The following AGMO variants were observed in gnomAD, a reference collection of about 807,000 sequenced individuals.
The protein encoded by AGMO is alkylglycerol monooxygenase.
AGMO carries 75 observed loss-of-function variants against 60.2 expected under a neutral mutation model. The ratio of observed to expected loss-of-function variants is 1.25; its 90% CI spans 1.03 to 1.51. The LOEUF is 1.51. AGMO is among the 40% of genes most tolerant of loss of function. AGMO has a pLI of 0.00. For missense variants in AGMO, 763 were observed against 525.5 expected (o/e 1.45, Z -4.42); for synonymous variants, 261 against 177.1 (o/e 1.47, Z -3.76).
At chr7:15,332,422 A>G (rs547999766) in intron 12 of AGMO, among the ~76,000 whole-genome samples, 1 of 152,298 alleles carries the variant, frequency 6.6e-6, no homozygotes, top group East Asian at 1.9e-4. Flanking sequence ...TGAAGCTAAA[A>G]GACACCATGT....
intron 10 of AGMO, among the ~76,000 whole-genome samples, chr7:15,374,298 A>G (rs1783353909): frequency 6.6e-6 from 1 of 152,160 alleles, no homozygotes; most frequent in African/African-American, 2.4e-5. Flanking sequence ...GAATATAATT[A>G]CAGTAAACAT....
At chr7:15,149,226 G>C in the AGMO span, among the ~76,000 whole-genome samples, 1 of 151,990 alleles carries the variant, frequency 6.6e-6, no homozygotes, top group African/African-American at 2.4e-5. Flanking sequence ...GACCTTTGTT[G>C]AATGCATGGT....
chr7:15,287,596 G>C (rs768798995), intron 12 of AGMO, among the ~76,000 whole-genome samples: 21 of 152,252 alleles, frequency 1.4e-4, no homozygotes, highest in Middle Eastern at 6.8e-3. Flanking sequence ...AATATTTGTA[G>C]TATGTGTACT....
the AGMO span, among the ~76,000 whole-genome samples, chr7:15,192,663 A>G: frequency 6.6e-6 from 1 of 152,166 alleles, no homozygotes; most frequent in African/African-American, 2.4e-5. Flanking sequence ...ACACTTAGCC[A>G]TCCCTAGACA....
chr7:15,382,374 C>A (rs577750813), intron 10 of AGMO, among the ~76,000 whole-genome samples: 2 of 152,212 alleles, frequency 1.3e-5, no homozygotes, highest in South Asian at 4.1e-4. Flanking sequence ...GTGAGTACCA[C>A]TGTATCCTGA....
chr7:15,247,031 C>G (rs1782762506), intron 12 of AGMO, among the ~76,000 whole-genome samples: 1 of 152,012 alleles, frequency 6.6e-6, no homozygotes, highest in Admixed American at 6.6e-5. Context: ...GTCTCAAACT[C>G]CTGGGCTCAG....
In AGMO at chr7:15,431,049, A is replaced by G; in HGVS notation, c.469T>C (p.Ser157Pro). Residue 157 changes from serine (S) to proline (P), a missense_variant, in exon 4 of 13, where the codon TCC becomes CCC. Coordinates refer to ENST00000342526, the MANE Select transcript of AGMO (RefSeq NM_001004320.2). ...THHSSEDYNL[S>P]TALRQSVLQI... is the part of the protein sequence containing the mutation. ...AGGACAGACTGTCTCAGTGCTGTGGATAAGTTATAGTCTTCAGAACTATGA... is the reference window on the plus strand; with the variant it reads ...AGGACAGACTGTCTCAGTGCTGTGGGTAAGTTATAGTCTTCAGAACTATGA... The G allele has an allele frequency of 6.2e-7, 1 of 1,611,166 alleles. No homozygotes were observed. Among genetic ancestry groups the G allele is most frequent in the Non-Finnish European group, 8.5e-7 (1 of 1,178,170 alleles).
chr7:15,523,433 A>C (rs2128536792), intron 3 of AGMO, among the ~76,000 whole-genome samples: 1 of 152,372 alleles, frequency 6.6e-6, no homozygotes, highest in Non-Finnish European at 1.5e-5. Context: ...GAACCCACTC[A>C]AATGCCCATC....
In AGMO at chr7:15,318,251, G is replaced by A. The variant is rs185911349; in HGVS notation, c.1263+47263C>T. Among the ~76,000 whole-genome samples, 658 of 151,904 alleles carry A rather than the reference G, an allele frequency of 4.3e-3. 3 individuals carry two copies. Among genetic ancestry groups the A allele is most frequent in the African/African-American group, 0.015 (626 of 41,404 alleles). The stretch of plus-strand genomic sequence containing the variant: ...AATCCTGATCTCAAGTGATCCACCC[G>A]CCTCAGCCTCACAATGTGCTGGAAT... On this transcript the variant is annotated intron_variant, in intron 12 of 12. Transcript: ENST00000342526.
chr7:15,153,229 A>T, the AGMO span, among the ~76,000 whole-genome samples: 1 of 149,870 alleles, frequency 6.7e-6, no homozygotes. Flanking sequence ...CTCTTTGTAG[A>T]TTGTGCATAT....
At chr7:15,414,206 A>C (rs1780693232) in intron 5 of AGMO, among the ~76,000 whole-genome samples, 2 of 151,790 alleles carry the variant, frequency 1.3e-5, no homozygotes. Flanking sequence ...TCATCATGTT[A>C]GCCAGATTGG....
At chr7:15,444,434 C>A (rs559397063) in intron 3 of AGMO, among the ~76,000 whole-genome samples, 5 of 152,184 alleles carry the variant, frequency 3.3e-5, no homozygotes, top group Non-Finnish European at 7.4e-5. Flanking sequence ...CCCATTCTTT[C>A]TTAAGCTCAT....
At chr7:15,189,885 T>C in the AGMO span, among the ~76,000 whole-genome samples, 1 of 151,432 alleles carries the variant, frequency 6.6e-6, no homozygotes, top group Non-Finnish European at 1.5e-5. Flanking sequence ...TAAATGTATG[T>C]TGTTTACCAT....
intron 12 of AGMO, among the ~76,000 whole-genome samples, chr7:15,297,687 T>C (rs1335128568): frequency 6.6e-6 from 1 of 152,176 alleles, no homozygotes; most frequent in Admixed American, 6.5e-5. Flanking sequence ...CTGGGAAACT[T>C]TGATCACTAC....
At chr7:15,547,631 C>A (rs1054993092) in intron 2 of AGMO, among the ~76,000 whole-genome samples, 1 of 152,104 alleles carries the variant, frequency 6.6e-6, no homozygotes, top group Admixed American at 6.5e-5. Context: ...CGGCGCACCA[C>A]GAGATTATAT....
Position 15,372,100 on chromosome 7 carries a change from T to C in AGMO, c.1075-5878A>G, listed in dbSNP as rs138278893. On this transcript the variant is annotated intron_variant, in intron 10 of 12. Coordinates refer to ENST00000342526, the MANE Select transcript of AGMO (RefSeq NM_001004320.2). ...CATTTTCCTATGGAACTTAAGTTTTTCTATATAGTATCCTTTGATAGACTA... is the reference window on the plus strand; with the variant it reads ...CATTTTCCTATGGAACTTAAGTTTTCCTATATAGTATCCTTTGATAGACTA... 3.3e-3 allele frequency among the ~76,000 whole-genome samples: 507 copies of C among 152,206 alleles called. 1 individual carries two copies. The highest frequency in any genetic ancestry group is 0.012 in the African/African-American group (481 of 41,520).
intron 10 of AGMO, among the ~76,000 whole-genome samples, chr7:15,378,419 T>A (rs1488155681): frequency 6.6e-6 from 1 of 152,058 alleles, no homozygotes; most frequent in Admixed American, 6.6e-5. Flanking sequence ...TGGGATTGCA[T>A]CCCATCCTTC....
chr7:15,369,225 C>A (rs80186959), intron 10 of AGMO, among the ~76,000 whole-genome samples: 1 of 152,034 alleles, frequency 6.6e-6, no homozygotes, highest in African/African-American at 2.4e-5. Context: ...CCTAACTGGT[C>A]TTCCTACTTC....
intron 12 of AGMO, among the ~76,000 whole-genome samples, chr7:15,248,504 A>G (rs533348012): frequency 6.6e-6 from 1 of 152,064 alleles, no homozygotes; most frequent in South Asian, 2.1e-4. Flanking sequence ...TCCCATTCCC[A>G]TCTAGACCAT....
Sources: gnomAD v4.1 joint callset for allele counts (sites outside exome capture counted in the v4.1 genomes callset) on GRCh38, gnomAD v4.1.1 for gene constraint, MANE v1.5 for transcripts, NCBI Gene and HGNC (gene_info 2026-07-23, HGNC 2026-07-21) for gene names.